Variants in CPM observed in about 807,000 individuals in gnomAD.
CPM encodes the protein renal carboxypeptidase.
In CPM, 35 loss-of-function variants were observed where a neutral mutation model predicts 46.4. The observed-to-expected ratio is 0.75, with a 90% CI of 0.58 to 1.00. The LOEUF is 1.00. CPM is among the 50% of genes least tolerant of loss of function. The probability of loss-of-function intolerance (pLI) is 0.00; values close to 1 mark genes in which losing one functional copy is unlikely to be tolerated. For synonymous variants in CPM, 195 were observed against 195.3 expected, an observed-to-expected ratio of 1.00 and a Z score of 0.01; for missense variants, 422 against 530.4, an observed-to-expected ratio of 0.80 and a Z score of 2.01.
chr12:68,935,424 G>A (rs11614485), upstream of CPM, among the ~76,000 whole-genome samples: 17,362 of 151,780 alleles, frequency 0.11, 1,030 homozygotes, highest in Non-Finnish European at 0.12. Flanking sequence ...CCACACCTAC[G>A]TAACTTTTGT....
At chr12:68,892,412 A>C (rs534537641) in intron 2 of CPM, among the ~76,000 whole-genome samples, 6 of 152,284 alleles carry the variant, frequency 3.9e-5, no homozygotes, top group Middle Eastern at 3.4e-3. Context: ...TAGCTGGTAC[A>C]TCCCAAATTG....
chr12:68,858,297 A>C (rs1885060142), intron 8 of CPM, among the ~76,000 whole-genome samples: 1 of 152,190 alleles, frequency 6.6e-6, no homozygotes. Flanking sequence ...CAACTATATC[A>C]ATACTTATTC....
intron 6 of CPM, among the ~76,000 whole-genome samples, chr12:68,868,189 T>A (rs887980317): frequency 9.9e-5 from 15 of 152,056 alleles, no homozygotes; most frequent in Admixed American, 6.6e-5. Flanking sequence ...AGCTACAAAT[T>A]GTGGAGAGCA....
At chr12:68,914,887 C>CT (rs1000965265) in intron 2 of CPM, among the ~76,000 whole-genome samples, 55 of 152,242 alleles carry the variant, frequency 3.6e-4, no homozygotes, top group African/African-American at 1.3e-3. Context: ...AGGCAAGTCA[C>CT]TTTTTTCTGA....
At chr12:68,916,176 G>A (rs1351024462) in intron 2 of CPM, among the ~76,000 whole-genome samples, 9 of 151,864 alleles carry the variant, frequency 5.9e-5, no homozygotes, top group African/African-American at 2.2e-4. Context: ...TTAAATCTAG[G>A]TATCTGTTCC....
intron 1 of CPM, among the ~76,000 whole-genome samples, chr12:68,962,923 C>T (rs114056012): frequency 0.024 from 3,619 of 152,290 alleles, 153 homozygotes; most frequent in African/African-American, 0.082. Flanking sequence ...AGTGGTCCCA[C>T]CTTTCTGGAC....
intron 3 of CPM, among the ~76,000 whole-genome samples, chr12:68,872,412 C>T (rs11837841): frequency 0.11 from 17,215 of 151,842 alleles, 2,024 homozygotes; most frequent in African/African-American, 0.29. Flanking sequence ...GCCACCACGC[C>T]CAGCTAATTC....
intron 1 of CPM, among the ~76,000 whole-genome samples, chr12:68,948,496 T>C (rs2136334063): frequency 6.6e-6 from 1 of 152,098 alleles, no homozygotes; most frequent in South Asian, 2.1e-4. Flanking sequence ...TTTTAGAGTA[T>C]ATAGGGAGTT....
At chr12:68,893,293 TAG>T (rs1309979414) in intron 2 of CPM, among the ~76,000 whole-genome samples, 6 of 152,086 alleles carry the variant, frequency 3.9e-5, no homozygotes, top group Non-Finnish European at 8.8e-5. Flanking sequence ...GCGATTTCTG[TAG>T]AGTTTCAGGT....
rs762342901 is a variant in CPM at position 68,854,879 on chromosome 12, C to CAG, written c.*1556_*1557dup. The CAG allele has an allele frequency of 6.6e-6, 1 of 152,034 alleles. No homozygotes were observed. Among genetic ancestry groups the CAG allele is most frequent in the Non-Finnish European group, 1.5e-5 (1 of 68,078 alleles). The allele number at this position is 152,034 out of a possible 1,614,324, so 9.4% of individuals were successfully genotyped here. On this transcript the variant is annotated 3_prime_UTR_variant, in exon 9 of 9. Transcript: ENST00000551568. ...TCAGCACCAATTTTTTTTTTTAAGA[C>CAG]AGAGTCTCACTTCTTCACCCAGGCT...
upstream of CPM, among the ~76,000 whole-genome samples, chr12:68,934,538 T>C (rs912177801): frequency 3.3e-5 from 5 of 152,158 alleles, no homozygotes; most frequent in Admixed American, 3.3e-4. Context: ...AGAATGATGG[T>C]TTCCAGCTTC....
downstream of CPM, chr12:68,846,264 T>C (rs1231793550): frequency 6.8e-6 from 1 of 147,622 alleles, no homozygotes; most frequent in Non-Finnish European, 1.5e-5. Flanking sequence ...AATTTTTGTA[T>C]TTTTTGTAGA....
chr12:68,864,973 C>A (rs549392991), intron 7 of CPM, among the ~76,000 whole-genome samples: 43 of 152,214 alleles, frequency 2.8e-4, no homozygotes, highest in African/African-American at 9.9e-4. Flanking sequence ...AATGACTGTG[C>A]CACTGTACTC....
intron 5 of CPM, among the ~76,000 whole-genome samples, chr12:68,869,806 C>G (rs866522017): frequency 1.4e-4 from 21 of 151,954 alleles, no homozygotes; most frequent in Non-Finnish European, 7.4e-5. Flanking sequence ...GTGAATAAAG[C>G]TACTGTAATA....
chr12:68,863,962 G>C (rs12305993), intron 7 of CPM, among the ~76,000 whole-genome samples: 9,070 of 152,260 alleles, frequency 0.06, 912 homozygotes, highest in African/African-American at 0.21. Flanking sequence ...AGTAGGGAGA[G>C]AACCTTTCTA....
At chr12:68,914,900 C>T (rs1032392271) in intron 2 of CPM, among the ~76,000 whole-genome samples, 3 of 152,144 alleles carry the variant, frequency 2.0e-5, no homozygotes, top group Non-Finnish European at 4.4e-5. Flanking sequence ...TTTTCTGAGC[C>T]TCAGTTTCCT....
At position 68,859,021 on chromosome 12, in the gene CPM, T is replaced by G; in HGVS notation, c.991A>C (p.Ile331Leu). The change falls in exon 8 of 9, where the codon ATT becomes CTT. Residue 331 changes from isoleucine to leucine, a missense_variant. Ile to Leu is a conservative substitution (Grantham distance 5). Transcript: ENST00000551568. ...TGTTTTCTGTCTTGGACTTCCACAATTACATTGGGTAATGGATTTCCATTC... is the reference window on the plus strand; with the variant it reads ...TGTTTTCTGTCTTGGACTTCCACAAGTACATTGGGTAATGGATTTCCATTC... ...DQNGNPLPNV[I>L]VEVQDRKHIC... 6.4e-7 allele frequency: 1 copy of G among 1,568,934 alleles called. No homozygotes were observed. The highest frequency in any genetic ancestry group is 8.6e-7 in the Non-Finnish European group (1 of 1,157,872).
chr12:68,920,199 G>A (rs1485153171), intron 2 of CPM, among the ~76,000 whole-genome samples: 1 of 152,242 alleles, frequency 6.6e-6, no homozygotes, highest in Non-Finnish European at 1.5e-5. Context: ...CGCTTGTGCA[G>A]CCTGCAGAAC....
At chr12:68,935,728 G>A (rs1862480447), upstream of CPM, among the ~76,000 whole-genome samples, 1 of 151,498 alleles carries the variant, frequency 6.6e-6, no homozygotes, top group Non-Finnish European at 1.5e-5. Flanking sequence ...GTTGTTCATT[G>A]ACTAAGAGGT....
Sources: allele counts gnomAD v4.1 joint callset (sites outside exome capture counted in the v4.1 genomes callset), GRCh38; gene constraint gnomAD v4.1.1; transcripts MANE v1.5; gene names NCBI Gene and HGNC (gene_info 2026-07-23, HGNC 2026-07-21).